The following DPP6 variants were observed in gnomAD, a reference collection of about 807,000 sequenced individuals.
DPP6 encodes the protein A-type potassium channel modulatory protein DPP6.
DPP6 carries 69 observed loss-of-function variants against 122.6 expected under a neutral mutation model. That is an observed-to-expected ratio of 0.56 (90% CI 0.46 to 0.69). The LOEUF is 0.69. Among genes scored for constraint, DPP6 ranks in the 30% least tolerant of loss-of-function variants. The probability of loss-of-function intolerance (pLI) is 0.00; values close to 1 mark genes in which losing one functional copy is unlikely to be tolerated. For synonymous variants in DPP6, 418 were observed against 433.1 expected, an observed-to-expected ratio of 0.97 and a Z score of 0.43; for missense variants, 928 against 1,116.9, an observed-to-expected ratio of 0.83 and a Z score of 2.41.
chr7:154,243,933 A>G (rs1032103202), intron 1 of DPP6, among the ~76,000 whole-genome samples: 6 of 152,202 alleles, frequency 3.9e-5, no homozygotes, highest in East Asian at 1.9e-4. Flanking sequence ...GACAGCATCC[A>G]TGTGGTCAAA....
the DPP6 span, among the ~76,000 whole-genome samples, chr7:153,765,748 A>C: frequency 6.6e-6 from 1 of 152,232 alleles, no homozygotes; most frequent in Non-Finnish European, 1.5e-5. Flanking sequence ...CCTAAAAAAC[A>C]CATGTCGCCT....
chr7:154,562,909 T>C (rs2130495420), intron 4 of DPP6, among the ~76,000 whole-genome samples: 1 of 152,294 alleles, frequency 6.6e-6, no homozygotes, highest in South Asian at 2.1e-4. Flanking sequence ...TTCTGAAAAC[T>C]GCAAAACATT....
At chr7:154,401,345 C>G (rs1302394650) in intron 1 of DPP6, among the ~76,000 whole-genome samples, 1 of 152,008 alleles carries the variant, frequency 6.6e-6, no homozygotes, top group Non-Finnish European at 1.5e-5. Context: ...AAAATAATGA[C>G]AACTTTGGAA....
chr7:154,722,454 A>C (rs1437821490), intron 7 of DPP6, among the ~76,000 whole-genome samples: 1 of 152,250 alleles, frequency 6.6e-6, no homozygotes, highest in Non-Finnish European at 1.5e-5. Flanking sequence ...CTTCTGCAGG[A>C]CTGAAAGTTA....
At chr7:153,818,861 C>T in the DPP6 span, among the ~76,000 whole-genome samples, 5 of 151,820 alleles carry the variant, frequency 3.3e-5, no homozygotes, top group African/African-American at 4.8e-5. Flanking sequence ...AAGCGATTCT[C>T]CTGCCTCAGC....
intron 16 of DPP6, among the ~76,000 whole-genome samples, chr7:154,823,985 C>G (rs7792284): frequency 6.6e-6 from 1 of 152,098 alleles, no homozygotes; most frequent in Non-Finnish European, 1.5e-5. Context: ...GTCAAAATTT[C>G]TATTTGCAAA....
chr7:154,166,525 G>A (rs1327535839), intron 1 of DPP6, among the ~76,000 whole-genome samples: 1 of 151,834 alleles, frequency 6.6e-6, no homozygotes, highest in Non-Finnish European at 1.5e-5. Flanking sequence ...CTCCCCCGAA[G>A]AACTTTTGAA....
chr7:153,854,270 C>G, the DPP6 span, among the ~76,000 whole-genome samples: 1 of 151,960 alleles, frequency 6.6e-6, no homozygotes, highest in South Asian at 2.1e-4. Flanking sequence ...AGTTTGAAGT[C>G]AGGTAGTGTG....
At position 154,876,099 on chromosome 7, in the gene DPP6, C is replaced by G. The variant is rs869025385; in HGVS notation, c.2077C>G (p.Arg693Gly). The G allele has an allele frequency of 6.3e-7, 1 of 1,579,344 alleles. No homozygotes were observed. The highest frequency in any genetic ancestry group is 8.6e-7 in the Non-Finnish European group (1 of 1,161,954). The change falls in exon 20 of 26, where the codon CGG (arginine) becomes GGG (glycine). Residue 693 changes from arginine to glycine, a missense_variant and splice_region_variant. Arg to Gly is a moderately radical substitution (Grantham distance 125). Transcript: ENST00000377770. ...GGAGAAGGACCAGATGGAGGCCGTG[C>G]GGTGAGCACCCGCCCAGGAAGCAGG... is the stretch of plus-strand genomic sequence containing the variant. ...LEEKDQMEAV[R>G]TMLKEQYIDR...
the DPP6 span, among the ~76,000 whole-genome samples, chr7:153,798,941 G>C: frequency 1.3e-5 from 2 of 152,202 alleles, no homozygotes; most frequent in Admixed American, 6.5e-5. Context: ...GCTCCTATGA[G>C]AATCTAATGC....
chr7:154,006,029 A>G (rs1460839504), intron 1 of DPP6, among the ~76,000 whole-genome samples: 3 of 152,120 alleles, frequency 2.0e-5, no homozygotes, highest in Non-Finnish European at 2.9e-5. Flanking sequence ...GCTGGATTGA[A>G]TATGAGCAGC....
chr7:153,888,426 C>CTA (rs1333498257), intron 1 of DPP6, among the ~76,000 whole-genome samples: 8 of 152,206 alleles, frequency 5.3e-5, no homozygotes, highest in African/African-American at 1.9e-4. Context: ...GGATAACTTT[C>CTA]TAAGTGGAGG....
intron 10 of DPP6, among the ~76,000 whole-genome samples, chr7:154,782,083 A>G (rs1490958308): frequency 1.3e-5 from 2 of 152,118 alleles, no homozygotes; most frequent in South Asian, 2.1e-4. Context: ...CACGTAATCC[A>G]TGGCAGTCCC....
chr7:153,923,875 TG>T (rs1248509745), intron 1 of DPP6, among the ~76,000 whole-genome samples: 2 of 151,478 alleles, frequency 1.3e-5, no homozygotes, highest in African/African-American at 4.9e-5. Flanking sequence ...TAGTCATCGG[TG>T]GATCCCTTTA....
At chr7:153,873,415 G>A in the DPP6 span, among the ~76,000 whole-genome samples, 3 of 152,110 alleles carry the variant, frequency 2.0e-5, no homozygotes, top group East Asian at 1.9e-4. Context: ...TTAAAACTAC[G>A]TTTGAGGCCT....
At chr7:153,824,541 A>T in the DPP6 span, among the ~76,000 whole-genome samples, 1 of 151,980 alleles carries the variant, frequency 6.6e-6, no homozygotes, top group East Asian at 1.9e-4. Flanking sequence ...ATAAAAATTA[A>T]CCAGGCATGG....
chr7:154,061,325 C>G (rs1052012399), intron 1 of DPP6, among the ~76,000 whole-genome samples: 1 of 148,132 alleles, frequency 6.8e-6, no homozygotes, highest in African/African-American at 2.5e-5. Context: ...TGGGGCTACC[C>G]GATCTGACAA....
chr7:153,983,598 A>G (rs891861506), intron 1 of DPP6, among the ~76,000 whole-genome samples: 1 of 151,838 alleles, frequency 6.6e-6, no homozygotes, highest in Non-Finnish European at 1.5e-5. Context: ...GGGGTATGAT[A>G]AAAAACTCCT....
intron 1 of DPP6, among the ~76,000 whole-genome samples, chr7:154,030,913 A>G (rs1447248371): frequency 1.3e-5 from 2 of 152,002 alleles, no homozygotes; most frequent in African/African-American, 4.8e-5. Context: ...TAATACACAA[A>G]ATAACGTAAG....
Sources: gnomAD v4.1 joint callset for allele counts (sites outside exome capture counted in the v4.1 genomes callset) on GRCh38, gnomAD v4.1.1 for gene constraint, MANE v1.5 for transcripts, NCBI Gene and HGNC (gene_info 2026-07-23, HGNC 2026-07-21) for gene names.